UNC5CL: variants seen among roughly 807,000 people sequenced by gnomAD.
The protein encoded by UNC5CL is unc-5 family C-terminal like.
In UNC5CL, 42 loss-of-function variants were observed where a neutral mutation model predicts 54.1. That is an observed-to-expected ratio of 0.78 (90% confidence interval 0.61 to 1.00). The LOEUF is 1.00. UNC5CL is among the 50% of genes least tolerant of loss of function. The pLI is 0.00. For missense variants in UNC5CL, 619 were observed against 675.6 expected, an observed-to-expected ratio of 0.92 and a Z score of 0.93; for synonymous variants, 285 against 285.1, an observed-to-expected ratio of 1.00 and a Z score of 0.00.
chr6:41,028,467 T>G lies in UNC5CL; in HGVS notation c.1463A>C (p.Gln488Pro). Residue 488 changes from glutamine to proline, a missense_variant, in exon 9 of 9, where the codon CAG becomes CCG. Physicochemically the swap from Gln to Pro is moderately conservative, Grantham distance 76 (BLOSUM62 -1). Transcript: ENST00000244565. This position sits in a 1 kb window ranked among gnomAD's most constrained non-coding sequence, Gnocchi z 4.3. The stretch of plus-strand genomic sequence containing the variant: ...GCCGTGTGTCCCACTCAGGTAGTTC[T>G]GGATGGCGGAGGCGCAGTCTAGCCG... Reference protein sequence around the residue: ...MERLDCASAIQNYLSGTHGGS... With the variant: ...MERLDCASAIPNYLSGTHGGS... 1 of 1,613,806 alleles carries G rather than the reference T, an allele frequency of 6.2e-7. No homozygotes were observed. The highest frequency in any genetic ancestry group is 8.5e-7 in the Non-Finnish European group (1 of 1,179,982).
At position 41,034,946 on chromosome 6, in the gene UNC5CL, G is replaced by C. The variant is rs771906062; in HGVS notation, c.129C>G (p.Cys43Trp). 1 of 1,614,042 alleles carries C rather than the reference G, an allele frequency of 6.2e-7. No homozygotes were observed. Among genetic ancestry groups the C allele is most frequent in the Non-Finnish European group, 8.5e-7 (1 of 1,179,896 alleles). The change falls in exon 2 of 9, where the codon TGC becomes TGG. Residue 43 changes from cysteine to tryptophan, a missense_variant. Cys to Trp is a radical substitution (Grantham distance 215). Coordinates refer to ENST00000244565, the MANE Select transcript of UNC5CL (RefSeq NM_173561.3). Reference sequence around the variant, plus strand: ...GTTCCTCTTGACCATTCAGTGTCCAGCAGGCCCCCAGCAGCCTTCTAGGGC... The same window carrying C: ...GTTCCTCTTGACCATTCAGTGTCCACCAGGCCCCCAGCAGCCTTCTAGGGC... ...WHCPRRLLGA[C>W]WTLNGQEEPV...
In UNC5CL at chr6:41,029,965, CT is replaced by C. The variant is rs1040452862; in HGVS notation, c.1334+422del. Among the ~76,000 whole-genome samples, 1 of 152,158 alleles carries C rather than the reference CT, an allele frequency of 6.6e-6. No homozygotes were observed. The highest frequency in any genetic ancestry group is 2.4e-5 in the African/African-American group (1 of 41,390). On this transcript the variant is annotated intron_variant, in intron 8 of 8. Coordinates refer to ENST00000244565, the MANE Select transcript of UNC5CL (RefSeq NM_173561.3). This position sits in a 1 kb window ranked among gnomAD's most constrained non-coding sequence, Gnocchi z 4.1. ...AGTTTCTGGAGCTTAGCTCAGTATT[CT>C]CCTGCTTTCTGAGTTCCTTGACAGG...
In UNC5CL at chr6:41,028,786, T is replaced by A. The variant is rs1762419249; in HGVS notation, c.1335-191A>T. 6.6e-6 allele frequency among the ~76,000 whole-genome samples: 1 copy of A among 152,118 alleles called. No individual in the cohort carries two copies. The highest frequency in any genetic ancestry group is 1.5e-5 in the Non-Finnish European group (1 of 68,004). Reference sequence around the variant, plus strand: ...GCCCCAGGGCTTTGAAACTTGAGATTGTCCTGGCTTGGAGGCCAACTCTGA... The same window carrying A: ...GCCCCAGGGCTTTGAAACTTGAGATAGTCCTGGCTTGGAGGCCAACTCTGA... On this transcript the variant is annotated intron_variant, in intron 8 of 8. Coordinates refer to ENST00000244565, the MANE Select transcript of UNC5CL (RefSeq NM_173561.3). This position sits in a 1 kb window ranked among gnomAD's most constrained non-coding sequence, Gnocchi z 4.3.
intron 1 of UNC5CL, among the ~76,000 whole-genome samples, chr6:41,035,651 T>G (rs1762514706): frequency 6.6e-6 from 1 of 152,228 alleles, no homozygotes; most frequent in African/African-American, 2.4e-5. Flanking sequence ...ATGTCCACTT[T>G]TAATTACATG....
chr6:41,036,303 A>G (rs1762523239), intron 1 of UNC5CL, among the ~76,000 whole-genome samples: 4 of 152,328 alleles, frequency 2.6e-5, no homozygotes, highest in Admixed American at 2.6e-4. Context: ...AATTTATATG[A>G]ACAGAACAGC....
intron 1 of UNC5CL, among the ~76,000 whole-genome samples, chr6:41,038,178 A>T (rs1762544634): frequency 6.6e-6 from 1 of 152,210 alleles, no homozygotes; most frequent in South Asian, 2.1e-4. Flanking sequence ...GTTGGAAGAG[A>T]AAGAAGCAAA....
rs548381198 is a variant in UNC5CL at position 41,033,586 on chromosome 6, A to G, written c.686+295T>C. 6 of 536,840 alleles carry G rather than the reference A, an allele frequency of 1.1e-5. No homozygotes were observed. The East Asian group carries it at 1.6e-4, about 14-fold the overall frequency. The allele number at this position is 536,840 out of a possible 1,614,324, so 33.3% of individuals were successfully genotyped here. On this transcript the variant is annotated intron_variant, in intron 3 of 8. Coordinates refer to ENST00000244565, the MANE Select transcript of UNC5CL (RefSeq NM_173561.3). ...AGTGTAGAGAGAGATAATTTGAAAGACAGAGAGAGATGGGAAAGACAGGTC... is the reference window on the plus strand; with the variant it reads ...AGTGTAGAGAGAGATAATTTGAAAGGCAGAGAGAGATGGGAAAGACAGGTC...
chr6:41,028,685 G>T lies in UNC5CL; in HGVS notation c.1335-90C>A. ...GGCTCCCTGGGCTGCGCAGCGCAAG[G>T]TCCGTCCCTTCCCCATCCTGTAGCT... On this transcript the variant is annotated intron_variant, in intron 8 of 8. Transcript: ENST00000244565. The surrounding 1 kb of genome is among the most constrained non-coding windows in gnomAD (Gnocchi z 4.3). 1 of 1,260,968 alleles carries T rather than the reference G, an allele frequency of 7.9e-7. No homozygotes were observed. The highest frequency in any genetic ancestry group is 1.1e-6 in the Non-Finnish European group (1 of 905,074). 78.1% of individuals were successfully genotyped at this position (1,260,968 alleles called of 1,614,324 possible). A position where few individuals can be genotyped will look rare whatever the true frequency, so the allele number is the denominator to read the frequency against.
chr6:41,037,148 C>T (rs549549720), intron 1 of UNC5CL, among the ~76,000 whole-genome samples: 60 of 152,202 alleles, frequency 3.9e-4, no homozygotes, highest in Non-Finnish European at 7.6e-4. Flanking sequence ...CTCCAGCTCG[C>T]GAAATCTCTC....
chr6:41,031,416 T>C (rs1046742059), intron 6 of UNC5CL, among the ~76,000 whole-genome samples: 11 of 152,036 alleles, frequency 7.2e-5, no homozygotes, highest in Admixed American at 4.6e-4. Context: ...GTTCTCTGAG[T>C]TGGGAGAAGG....
intron 1 of UNC5CL, among the ~76,000 whole-genome samples, chr6:41,038,418 T>TAG (rs1196507009): frequency 6.6e-6 from 1 of 151,936 alleles, no homozygotes; most frequent in African/African-American, 2.4e-5. Flanking sequence ...GGTGGTGCAG[T>TAG]AGAGTCCCCT....
chr6:41,028,570 C>T lies in UNC5CL; in HGVS notation c.1360G>A (p.Ala454Thr). The T allele has an allele frequency of 6.2e-7, 1 of 1,613,484 alleles. No individual in the cohort carries two copies. The highest frequency in any genetic ancestry group is 8.5e-7 in the Non-Finnish European group (1 of 1,179,950). The change falls in exon 9 of 9, where the codon GCA (alanine) becomes ACA (threonine). Residue 454 changes from alanine to threonine, a missense_variant. Ala to Thr is a moderately conservative substitution (Grantham distance 58). Coordinates refer to ENST00000244565, the MANE Select transcript of UNC5CL (RefSeq NM_173561.3). This position sits in a 1 kb window ranked among gnomAD's most constrained non-coding sequence, Gnocchi z 4.3. ...IRFLSCQRSP[A>T]AAILELFEEQ... ...TCAAACAACTCCAGGATGGCCGCTG[C>T]GGGGCTGCGCTGGCAGGACAGGAAC...
At chr6:41,032,610 A>T (rs1762467614) in intron 4 of UNC5CL, among the ~76,000 whole-genome samples, 1 of 152,160 alleles carries the variant, frequency 6.6e-6, no homozygotes, top group South Asian at 2.1e-4. Context: ...AATACAAAAA[A>T]ATTAGCCAGG....
At chr6:41,034,210 G>A in intron 2 of UNC5CL, 29 bp from the exon 3 acceptor site, 1 of 1,572,712 alleles carries the variant, frequency 6.4e-7, no homozygotes, top group Admixed American at 1.8e-5. Context: ...GCTGAGATGG[G>A]CCTGGTAGGC....
At chr6:41,032,732 G>T in intron 4 of UNC5CL, 152 bp downstream of exon 4, 1 of 1,236,408 alleles carries the variant, frequency 8.1e-7, no homozygotes. Context: ...CTGCACTCCG[G>T]CCTGGGCAAC....
intron 3 of UNC5CL, 31 bp downstream of exon 3, chr6:41,033,850 G>A (rs775122791): frequency 1.9e-6 from 3 of 1,599,502 alleles, no homozygotes; most frequent in Non-Finnish European, 2.6e-6. Context: ...AGAGATGGGT[G>A]TGGGAAGACA....
At position 41,033,952 on chromosome 6, in the gene UNC5CL, T is replaced by G; in HGVS notation, c.615A>C (p.Val205=). The G allele has an allele frequency of 6.2e-7, 1 of 1,614,110 alleles. No individual in the cohort carries two copies. The highest frequency in any genetic ancestry group is 8.5e-7 in the Non-Finnish European group (1 of 1,179,998). Reference sequence around the variant, plus strand: ...CCCCCGGCCGCCCCAGGGGCCTCCATACCTTGGCATCCAGCAGGGTAGTGT... The same window carrying G: ...CCCCCGGCCGCCCCAGGGGCCTCCAGACCTTGGCATCCAGCAGGGTAGTGT... The part of the protein sequence containing the change: ...SSNTTLLDAK[V]WRPLGRPGAH... Residue 205 remains valine (V), a synonymous_variant, in exon 3 of 9, where the codon GTA becomes GTC. Transcript: ENST00000244565.
In UNC5CL at chr6:41,031,731, A is replaced by T. The variant is rs1762454434; in HGVS notation, c.1069T>A (p.Cys357Ser). 7 of 1,614,098 alleles carry T rather than the reference A, an allele frequency of 4.3e-6. No homozygotes were observed. The highest frequency in any genetic ancestry group is 5.1e-6 in the Non-Finnish European group (6 of 1,180,046). The change falls in exon 6 of 9, where the codon TGT (cysteine) becomes AGT (serine). Residue 357 changes from cysteine (C) to serine (S), a missense_variant. By Grantham distance (112) the Cys-to-Ser change is moderately radical. Transcript: ENST00000244565. ...ATGATCTCATTGGTTAGTGCTGAAC[A>T]GTCCTCATTCTCATCGGCTATAAAG... Reference protein sequence around the residue: ...RRKAADENEDCSALTNEIIVT... With the variant: ...RRKAADENEDSSALTNEIIVT...
In UNC5CL at chr6:41,028,492, G is replaced by A. The variant is rs754889716; in HGVS notation, c.1438C>T (p.Arg480Trp). 1.2e-6 allele frequency: 2 copies of A among 1,613,860 alleles called. No individual in the cohort carries two copies. Among genetic ancestry groups the A allele is most frequent in the Non-Finnish European group, 1.7e-6 (2 of 1,180,012 alleles). Reference sequence around the variant, plus strand: ...TGGATGGCGGAGGCGCAGTCTAGCCGCTCCATGACGGTCATGAGGTAGTGC... The same window carrying A: ...TGGATGGCGGAGGCGCAGTCTAGCCACTCCATGACGGTCATGAGGTAGTGC... The part of the protein sequence containing the change: ...ELHYLMTVME[R>W]LDCASAIQNY... The change falls in exon 9 of 9, where the codon CGG becomes TGG. Residue 480 changes from arginine (R) to tryptophan (W), a missense_variant. Transcript: ENST00000244565. This position sits in a 1 kb window ranked among gnomAD's most constrained non-coding sequence, Gnocchi z 4.3.
Sources: gnomAD v4.1 joint callset for allele counts (sites outside exome capture counted in the v4.1 genomes callset) on GRCh38, gnomAD v4.1.1 for gene constraint, Gnocchi (gnomAD v3.1) non-coding constraint, MANE v1.5 for transcripts, NCBI Gene and HGNC (gene_info 2026-07-23, HGNC 2026-07-21) for gene names.